PKHD1: variants seen among roughly 807,000 people sequenced by gnomAD.
PKHD1 encodes the protein PKHD1 ciliary IPT domain containing fibrocystin/polyductin, also known as fibrocystin.
In PKHD1, 291 loss-of-function variants were observed where a neutral mutation model predicts 412.0. The ratio of observed to expected loss-of-function variants is 0.71; its 90% CI spans 0.64 to 0.78. PKHD1 has a LOEUF of 0.78. PKHD1 is among the 30% of genes least tolerant of loss of function. The pLI is 0.00. For missense variants in PKHD1, 4,825 were observed against 4,950.7 expected (o/e 0.97, Z 0.76); for synonymous variants, 1,777 against 1,821.5 (o/e 0.98, Z 0.62).
At chr6:52,012,565 A>G (rs1799949526) in intron 34 of PKHD1, among the ~76,000 whole-genome samples, 1 of 152,240 alleles carries the variant, frequency 6.6e-6, no homozygotes. Context: ...AAGCAAAGTA[A>G]TTTAACTTTT....
intron 37 of PKHD1, among the ~76,000 whole-genome samples, chr6:51,926,158 G>T (rs971470708): frequency 1.3e-5 from 2 of 152,098 alleles, no homozygotes; most frequent in Non-Finnish European, 2.9e-5. Flanking sequence ...GTTGAAATTT[G>T]CTCAGAAGTT....
intron 14 of PKHD1, 126 bp downstream of exon 14, chr6:52,062,390 CTGT>C (rs1002083597): frequency 3.5e-5 from 34 of 973,192 alleles, no homozygotes; most frequent in Admixed American, 8.8e-5. Context: ...CTGTCAAACT[CTGT>C]TGTTGTTGAA....
chr6:51,632,700 T>C lies in PKHD1; in HGVS notation c.11530A>G (p.Lys3844Glu). The C allele has an allele frequency of 1.9e-6, 3 of 1,613,522 alleles. No homozygotes were observed. The highest frequency in any genetic ancestry group is 2.5e-6 in the Non-Finnish European group (3 of 1,179,622). ...GTCACAGGCAAGACAGCAAATGGCT[T>C]GGATCGAGCTGTAAAATTGACTCCT... ...PPGVNFTARS[K>E]PFAVLPVTRK... is the part of the protein sequence containing the mutation. Residue 3844 changes from lysine (K) to glutamate (E), a missense_variant, in exon 65 of 67, where the codon AAG becomes GAG. Transcript: ENST00000371117.
chr6:51,823,714 T>G (rs1244376957), intron 52 of PKHD1, among the ~76,000 whole-genome samples: 2 of 152,208 alleles, frequency 1.3e-5, no homozygotes, highest in Non-Finnish European at 2.9e-5. Context: ...TTAATCGAAA[T>G]TTCATTTTTA....
intron 37 of PKHD1, among the ~76,000 whole-genome samples, chr6:51,917,162 GGAGGGAGA>G (rs558152061): frequency 4.3e-4 from 61 of 142,032 alleles, no homozygotes; most frequent in South Asian, 7.5e-4. Flanking sequence ...TTAGGGTGGG[GGAGGGAGA>G]GAGGGAGAGA....
At chr6:52,072,071 C>T (rs183150698) in intron 8 of PKHD1, 44 bp downstream of exon 8, 69 of 1,104,476 alleles carry the variant, frequency 6.2e-5, no homozygotes, top group East Asian at 1.9e-4. Flanking sequence ...TCCATGTGGA[C>T]GAACTTACAA....
rs1046093958 is a variant in PKHD1, at chr6:52,037,656, T to G, written c.3098-1935A>C. On this transcript the variant is annotated intron_variant, in intron 27 of 66. Coordinates refer to ENST00000371117, the MANE Select transcript of PKHD1 (RefSeq NM_138694.4). ...GAAATATTCTTCTTCTCCTATAAAA[T>G]AGGTAAGTGTCAAAAGGGTTGGGAA... 2.6e-5 allele frequency among the ~76,000 whole-genome samples: 4 copies of G among 152,282 alleles called. No homozygotes were observed. The East Asian group carries it at 7.7e-4, about 29-fold the overall frequency.
intron 52 of PKHD1, among the ~76,000 whole-genome samples, chr6:51,803,658 A>G (rs780308578): frequency 6.6e-6 from 1 of 151,612 alleles, no homozygotes; most frequent in Non-Finnish European, 1.5e-5. Flanking sequence ...ACTGTGATAT[A>G]TGCCAAAGAA....
Position 51,796,404 on chromosome 6 carries a change from T to C in PKHD1, c.8303-5031A>G, listed in dbSNP as rs1253260096. ...ATTTCAATCTTCTCTTTCTTCTTTA[T>C]TAATCTAGCTAGCAGTCTATTTAAT... is the stretch of plus-strand genomic sequence containing the variant. On this transcript the variant is annotated intron_variant, in intron 52 of 66. Transcript: ENST00000371117. 2.7e-5 allele frequency among the ~76,000 whole-genome samples: 4 copies of C among 149,986 alleles called. No homozygotes were observed. The South Asian group carries it at 6.4e-4, about 24-fold the overall frequency.
chr6:51,648,222 T>C (rs1348965053), intron 62 of PKHD1, 104 bp from the exon 63 acceptor site: 2 of 706,578 alleles, frequency 2.8e-6, no homozygotes, highest in East Asian at 2.5e-5. Flanking sequence ...ATAAAGCATA[T>C]ATTCAGTAGA....
intron 43 of PKHD1, among the ~76,000 whole-genome samples, chr6:51,890,594 T>A (rs534004664): frequency 6.6e-6 from 1 of 152,228 alleles, no homozygotes; most frequent in African/African-American, 2.4e-5. Context: ...AGGTAGTGTT[T>A]GATTTCTCCA....
chr6:52,083,258 G>GT lies in PKHD1; in HGVS notation c.53-4dup, dbSNP rs1197766550. 6 of 1,587,798 alleles carry GT rather than the reference G, an allele frequency of 3.8e-6. No homozygotes were observed. The African/African-American group carries it at 8.1e-5, about 21-fold the overall frequency. On this transcript the variant is annotated splice_polypyrimidine_tract_variant and splice_region_variant and intron_variant, in intron 2 of 66. Transcript: ENST00000371117. ...AATATGTAAACTCAGGTGACGTACTGTAAGTAAGTGAAAAAAAACATTGGT... is the reference window on the plus strand; with the variant it reads ...AATATGTAAACTCAGGTGACGTACTGTTAAGTAAGTGAAAAAAAACATTGGT...
Position 52,056,937 on chromosome 6 carries a change from C to T in PKHD1, c.1555G>A (p.Asp519Asn), listed in dbSNP as rs773125874. ...GGGATTGGCTGACTAGAGACATTGT[C>T]CCAAGTAAGGAAGAAGTTTCCTCTG... The part of the protein sequence containing the change: ...SGRGNFFLTW[D>N]NVSSQPIPAN... Residue 519 changes from aspartate (D) to asparagine (N), a missense_variant, in exon 17 of 67, where the codon GAC (aspartate) becomes AAC (asparagine). By Grantham distance (23) the Asp-to-Asn change is conservative. Transcript: ENST00000371117. The T allele has an allele frequency of 3.5e-5, 56 of 1,613,816 alleles. No homozygotes were observed. Among genetic ancestry groups the T allele is most frequent in the Non-Finnish European group, 4.7e-5 (55 of 1,179,906 alleles).
intron 36 of PKHD1, among the ~76,000 whole-genome samples, chr6:51,956,183 A>G (rs2115812): frequency 0.37 from 56,126 of 151,878 alleles, 11,286 homozygotes; most frequent in East Asian, 0.76. Flanking sequence ...AACAGATTTT[A>G]TATTCCTAAC....
In PKHD1 at chr6:51,943,327, C is replaced by T. The variant is rs200298381; in HGVS notation, c.5909-9005G>A. 9.9e-5 allele frequency among the ~76,000 whole-genome samples: 15 copies of T among 151,228 alleles called. No homozygotes were observed. In the East Asian group the frequency reaches 2.7e-3, roughly 27 times the overall value. On this transcript the variant is annotated intron_variant, in intron 36 of 66. Transcript: ENST00000371117. ...AGCCCATTTGAGCTCCTGTATAAGA[C>T]GCTCCTTTTTATTAGGCCCCAGTCT...
intron 11 of PKHD1, among the ~76,000 whole-genome samples, chr6:52,067,546 G>T (rs1049654532): frequency 2.0e-5 from 3 of 152,186 alleles, no homozygotes; most frequent in African/African-American, 7.2e-5. Context: ...TTGGGTCGGA[G>T]AAATTAGAGA....
intron 37 of PKHD1, among the ~76,000 whole-genome samples, chr6:51,924,036 G>T (rs1785140496): frequency 6.6e-6 from 1 of 152,160 alleles, no homozygotes; most frequent in African/African-American, 2.4e-5. Flanking sequence ...TGAGAGTAAA[G>T]AATGGGAAGC....
chr6:51,706,421 T>C (rs1413767981), intron 60 of PKHD1, among the ~76,000 whole-genome samples: 1 of 149,978 alleles, frequency 6.7e-6, no homozygotes, highest in East Asian at 2.0e-4. Flanking sequence ...AAATTGAAAA[T>C]CCTTTCCCCA....
At chr6:51,672,313 A>T (rs1775135751) in intron 60 of PKHD1, among the ~76,000 whole-genome samples, 3 of 152,216 alleles carry the variant, frequency 2.0e-5, no homozygotes, top group Admixed American at 1.3e-4. Context: ...GATTTCAAAA[A>T]TGCTGTAGCT....
Sources: gnomAD v4.1 joint callset for allele counts (sites outside exome capture counted in the v4.1 genomes callset) on GRCh38, gnomAD v4.1.1 for gene constraint, MANE v1.5 for transcripts, NCBI Gene and HGNC (gene_info 2026-07-23, HGNC 2026-07-21) for gene names.